The following SND1 variants were observed in gnomAD, a reference collection of about 807,000 sequenced individuals.
SND1 encodes staphylococcal nuclease and tudor domain containing 1.
Under a neutral mutation model 121.7 loss-of-function variants are expected in SND1, and 38 were observed. The observed-to-expected ratio is 0.31, with a 90% CI of 0.24 to 0.41. The LOEUF (loss-of-function observed/expected upper bound fraction) is 0.41, where lower values mean the gene tolerates loss of function less well. Ranked by LOEUF, SND1 falls within the 10% of genes least tolerant of loss-of-function variation. The pLI, the probability that SND1 is intolerant of heterozygous loss-of-function variation, is 1.00. For missense variants in SND1, 868 were observed against 1,184.6 expected, an observed-to-expected ratio of 0.73 and a Z score of 3.92; for synonymous variants, 401 against 447.4, an observed-to-expected ratio of 0.90 and a Z score of 1.31.
chr7:127,844,507 C>G (rs1799022003), intron 12 of SND1, 83 bp downstream of exon 12: 1 of 1,131,208 alleles, frequency 8.8e-7, no homozygotes, highest in South Asian at 1.5e-5. Context: ...TCCTTCCTTT[C>G]ACTCTGCTTT....
At chr7:128,041,171 C>T (rs964784389) in intron 16 of SND1, among the ~76,000 whole-genome samples, 3 of 152,102 alleles carry the variant, frequency 2.0e-5, no homozygotes, top group African/African-American at 7.2e-5. Flanking sequence ...GCAGGGGCTC[C>T]TGTCTATAAT....
chr7:128,004,559 T>C (rs959097675), intron 16 of SND1, among the ~76,000 whole-genome samples: 3 of 152,228 alleles, frequency 2.0e-5, no homozygotes, highest in Non-Finnish European at 4.4e-5. Context: ...GCATTGCCTT[T>C]TTCTGGACAT....
chr7:128,005,145 A>G (rs1395370744), intron 16 of SND1, among the ~76,000 whole-genome samples: 3 of 152,188 alleles, frequency 2.0e-5, no homozygotes, highest in Non-Finnish European at 4.4e-5. Context: ...AACGTGTGAC[A>G]ACTTCAAAAA....
rs1796258493 is a variant in SND1, at chr7:127,709,312, C to T, written c.1038+1665C>T. Among the ~76,000 whole-genome samples, 4 of 152,222 alleles carry T rather than the reference C, an allele frequency of 2.6e-5. No homozygotes were observed. In the South Asian group the frequency reaches 8.3e-4, roughly 32 times the overall value. ...GCTACAGAATGAAAGGATGATTTTT[C>T]ACCCAAAAAGGGAGGCAGGCCTTCA... On this transcript the variant is annotated intron_variant, in intron 9 of 23. Transcript: ENST00000354725.
intron 15 of SND1, among the ~76,000 whole-genome samples, chr7:127,943,026 A>C (rs1801251162): frequency 6.6e-6 from 1 of 152,176 alleles, no homozygotes. Flanking sequence ...ACATTGCCAT[A>C]TCATACTCAC....
chr7:127,921,278 T>C (rs1262675772), intron 14 of SND1, among the ~76,000 whole-genome samples: 1 of 152,210 alleles, frequency 6.6e-6, no homozygotes, highest in Non-Finnish European at 1.5e-5. Flanking sequence ...AGTTTAGACT[T>C]TCTTAAGCTG....
chr7:127,761,845 A>G (rs1476877463), intron 10 of SND1, among the ~76,000 whole-genome samples: 1 of 152,196 alleles, frequency 6.6e-6, no homozygotes, highest in African/African-American at 2.4e-5. Context: ...TGATTGTTAC[A>G]GTATTTTCCA....
At chr7:127,778,207 T>TTATTTATTTATTTATG (rs1797655323) in intron 10 of SND1, among the ~76,000 whole-genome samples, 1 of 151,926 alleles carries the variant, frequency 6.6e-6, no homozygotes, top group African/African-American at 2.4e-5. Flanking sequence ...ATTTATTTAT[T>TTATTTATTTATTTATG]TATTTTGAGA....
chr7:128,031,378 G>C (rs1048824283), intron 16 of SND1: 1 of 151,878 alleles, frequency 6.6e-6, no homozygotes, highest in African/African-American at 2.4e-5. Flanking sequence ...GCACTCGCTG[G>C]ATGCTGCGCT....
At chr7:127,753,224 G>A (rs1463289715) in intron 10 of SND1, among the ~76,000 whole-genome samples, 2 of 152,180 alleles carry the variant, frequency 1.3e-5, no homozygotes, top group African/African-American at 4.8e-5. Context: ...CTGGGTTCAG[G>A]CAGAGGTGTT....
At chr7:127,928,778 A>G (rs1400470004) in intron 14 of SND1, among the ~76,000 whole-genome samples, 3 of 151,996 alleles carry the variant, frequency 2.0e-5, no homozygotes, top group African/African-American at 7.2e-5. Context: ...TTTAGTAGAG[A>G]CAGGGTTTTG....
At chr7:128,042,201 TTGTGTGAGTGAGCAG>T (rs1335929833) in intron 16 of SND1, 1 of 152,188 alleles carries the variant, frequency 6.6e-6, no homozygotes, top group African/African-American at 2.4e-5. Flanking sequence ...AAAGGATGCT[TTGTGTGAGTGAGCAG>T]TGTCTGAGAT....
intron 12 of SND1, among the ~76,000 whole-genome samples, chr7:127,863,641 G>A (rs2116687154): frequency 6.6e-6 from 1 of 152,252 alleles, no homozygotes; most frequent in Non-Finnish European, 1.5e-5. Flanking sequence ...TCCTGTGAGT[G>A]TGACCCCCTC....
At chr7:128,032,174 T>TC (rs1792637754) in intron 16 of SND1, 1 of 151,570 alleles carries the variant, frequency 6.6e-6, no homozygotes, top group African/African-American at 2.4e-5. Context: ...TTAGCGCCGC[T>TC]CCCCCTCCGT....
intron 17 of SND1, among the ~76,000 whole-genome samples, chr7:128,076,577 C>A (rs1194986736): frequency 6.6e-6 from 1 of 152,170 alleles, no homozygotes; most frequent in Non-Finnish European, 1.5e-5. Context: ...ATAAGAGCAT[C>A]TGGTGGCCGG....
At chr7:127,964,330 A>G (rs1440859665) in intron 15 of SND1, among the ~76,000 whole-genome samples, 26 of 145,800 alleles carry the variant, frequency 1.8e-4, no homozygotes, top group Middle Eastern at 3.5e-3. Flanking sequence ...GTCCTTGCCC[A>G]CGCCTATGTC....
intron 1 of SND1, among the ~76,000 whole-genome samples, chr7:127,658,757 G>A (rs1795255199): frequency 6.6e-6 from 1 of 152,236 alleles, no homozygotes. Flanking sequence ...GCAATAGTGG[G>A]CAAATGATTT....
chr7:127,942,718 G>A (rs1037586211), intron 15 of SND1, among the ~76,000 whole-genome samples: 1 of 152,166 alleles, frequency 6.6e-6, no homozygotes, highest in Non-Finnish European at 1.5e-5. Flanking sequence ...GTGCATTGTT[G>A]TTAGGCAAGC....
intron 10 of SND1, among the ~76,000 whole-genome samples, chr7:127,796,558 T>C (rs1293116988): frequency 1.3e-5 from 2 of 152,174 alleles, no homozygotes; most frequent in African/African-American, 2.4e-5. Flanking sequence ...TATAAAGTAA[T>C]TAAATTACAA....
Sources: gnomAD v4.1 joint callset for allele counts (sites outside exome capture counted in the v4.1 genomes callset) on GRCh38, gnomAD v4.1.1 for gene constraint, MANE v1.5 for transcripts, NCBI Gene and HGNC (gene_info 2026-07-23, HGNC 2026-07-21) for gene names.